THSD7A: variants seen among roughly 807,000 people sequenced by gnomAD.
THSD7A encodes the protein thrombospondin type 1 domain containing 7A, also known as thrombospondin type-1 domain-containing protein 7A.
Under a neutral mutation model 231.3 loss-of-function variants are expected in THSD7A, and 96 were observed. That is an observed-to-expected ratio of 0.41 (90% CI 0.35 to 0.49). The LOEUF (loss-of-function observed/expected upper bound fraction) is 0.49, where lower values mean the gene tolerates loss of function less well. THSD7A is among the 20% of genes least tolerant of loss of function. THSD7A has a pLI of 0.05. For synonymous variants in THSD7A, 940 were observed against 743.3 expected (o/e 1.26, Z -4.30); for missense variants, 2,290 against 2,070.2 (o/e 1.11, Z -2.06).
At chr7:11,479,256 C>G (rs1786325401) in intron 7 of THSD7A, among the ~76,000 whole-genome samples, 1 of 152,174 alleles carries the variant, frequency 6.6e-6, no homozygotes, top group Non-Finnish European at 1.5e-5. Context: ...GTTATCCAGC[C>G]TTCAGTATTG....
In THSD7A at chr7:11,662,879, T is replaced by C. The variant is rs563107077; in HGVS notation, c.191-25918A>G. ...TTTATGGCATATGAAAATAAAAATG[T>C]GCCACATTAAAATTTGTGACATAAA... is the stretch of plus-strand genomic sequence containing the variant. On this transcript the variant is annotated intron_variant, in intron 1 of 27. Transcript: ENST00000423059. Among the ~76,000 whole-genome samples, 3 of 151,530 alleles carry C rather than the reference T, an allele frequency of 2.0e-5. No homozygotes were observed. In the South Asian group the frequency reaches 6.2e-4, roughly 31 times the overall value.
intron 1 of THSD7A, among the ~76,000 whole-genome samples, chr7:11,735,775 A>C (rs373346008): frequency 9.9e-5 from 15 of 152,112 alleles, no homozygotes; most frequent in Middle Eastern, 3.4e-3. Flanking sequence ...AATTGGGTAG[A>C]TAATGGCAAG....
chr7:11,574,389 G>T (rs1380592330), intron 4 of THSD7A, among the ~76,000 whole-genome samples: 2 of 151,120 alleles, frequency 1.3e-5, no homozygotes, highest in Non-Finnish European at 2.9e-5. Context: ...TTGGTTCAAT[G>T]AATAAATGTA....
At chr7:11,447,625 A>T (rs1310227479) in intron 11 of THSD7A, among the ~76,000 whole-genome samples, 1 of 152,044 alleles carries the variant, frequency 6.6e-6, no homozygotes, top group East Asian at 1.9e-4. Context: ...CACAACCCTG[A>T]GTGATTTTTG....
At chr7:11,774,658 G>C (rs1404792686) in intron 1 of THSD7A, among the ~76,000 whole-genome samples, 2 of 152,108 alleles carry the variant, frequency 1.3e-5, no homozygotes, top group East Asian at 3.8e-4. Context: ...TGCAGTTTTT[G>C]TATGTCAATT....
chr7:11,445,412 C>T (rs1275306824), intron 13 of THSD7A, among the ~76,000 whole-genome samples: 1 of 152,028 alleles, frequency 6.6e-6, no homozygotes, highest in African/African-American at 2.4e-5. Context: ...TTTGGCAACA[C>T]AATTATAATT....
At chr7:11,808,891 C>T (rs1317412630) in intron 1 of THSD7A, among the ~76,000 whole-genome samples, 2 of 151,708 alleles carry the variant, frequency 1.3e-5, no homozygotes, top group Non-Finnish European at 2.9e-5. Flanking sequence ...AGGTAATGAC[C>T]TAAATAGCCA....
chr7:11,717,389 T>C (rs1781176930), intron 1 of THSD7A, among the ~76,000 whole-genome samples: 1 of 151,662 alleles, frequency 6.6e-6, no homozygotes, highest in African/African-American at 2.4e-5. Flanking sequence ...TCCTTCTATT[T>C]CTACATGGTG....
At chr7:11,664,442 G>C (rs1783044852) in intron 1 of THSD7A, among the ~76,000 whole-genome samples, 1 of 151,854 alleles carries the variant, frequency 6.6e-6, no homozygotes, top group South Asian at 2.1e-4. Context: ...ATACCTCATA[G>C]GGATGTTGTG....
intron 2 of THSD7A, among the ~76,000 whole-genome samples, chr7:11,603,264 A>C (rs1164287421): frequency 7.9e-5 from 12 of 151,456 alleles, no homozygotes; most frequent in African/African-American, 2.9e-4. Context: ...GCAGCCAAAA[A>C]ACACATGAAA....
At chr7:11,386,390 CTT>C (rs1782745549) in intron 23 of THSD7A, among the ~76,000 whole-genome samples, 1 of 152,150 alleles carries the variant, frequency 6.6e-6, no homozygotes. Context: ...TGTATCCTGA[CTT>C]TTAAATGATC....
At chr7:11,780,883 C>G (rs982573492) in intron 1 of THSD7A, among the ~76,000 whole-genome samples, 72 of 149,242 alleles carry the variant, frequency 4.8e-4, no homozygotes, top group African/African-American at 1.7e-3. Flanking sequence ...CCCAGCTACT[C>G]GGGAGGCTGA....
At chr7:11,554,795 T>C (rs1216747061) in intron 4 of THSD7A, among the ~76,000 whole-genome samples, 1 of 152,000 alleles carries the variant, frequency 6.6e-6, no homozygotes, top group Non-Finnish European at 1.5e-5. Flanking sequence ...TGTGTAGAAA[T>C]GCTCTATTTC....
chr7:11,480,464 T>C (rs570448573), intron 7 of THSD7A, among the ~76,000 whole-genome samples: 1 of 152,178 alleles, frequency 6.6e-6, no homozygotes, highest in African/African-American at 2.4e-5. Context: ...TCTGAGCTGA[T>C]AGAGTTTAAA....
chr7:11,598,819 G>T (rs115320260), intron 2 of THSD7A, among the ~76,000 whole-genome samples: 2 of 152,140 alleles, frequency 1.3e-5, no homozygotes, highest in African/African-American at 2.4e-5. Context: ...GCAACATTAC[G>T]TTCTGTTGAC....
chr7:11,747,520 T>G (rs2355079), intron 1 of THSD7A, among the ~76,000 whole-genome samples: 98,021 of 151,796 alleles, frequency 0.65, 32,227 homozygotes, highest in African/African-American at 0.78. Context: ...GTTTCTAATG[T>G]TTTATTCATT....
intron 1 of THSD7A, among the ~76,000 whole-genome samples, chr7:11,705,106 G>C (rs1394031799): frequency 6.6e-6 from 1 of 151,040 alleles, no homozygotes; most frequent in Admixed American, 6.6e-5. Context: ...TAAAAGTGCT[G>C]TTGGATTATG....
chr7:11,489,385 A>T (rs1786795460), intron 6 of THSD7A, among the ~76,000 whole-genome samples: 2 of 152,102 alleles, frequency 1.3e-5, no homozygotes, highest in East Asian at 1.9e-4. Context: ...TTCTTAAAGG[A>T]CTTATTTTAG....
chr7:11,677,839 G>C (rs1195138149), intron 1 of THSD7A, among the ~76,000 whole-genome samples: 2 of 152,032 alleles, frequency 1.3e-5, no homozygotes, highest in East Asian at 1.9e-4. Flanking sequence ...TCTGGACCAA[G>C]CAGACCTAAT....
Sources: allele counts gnomAD v4.1 joint callset (sites outside exome capture counted in the v4.1 genomes callset), GRCh38; gene constraint gnomAD v4.1.1; transcripts MANE v1.5; gene names NCBI Gene and HGNC (gene_info 2026-07-23, HGNC 2026-07-21).